The following SKIC8 variants were observed in gnomAD, a reference collection of about 807,000 sequenced individuals.
SKIC8 encodes the protein SKI8 subunit of superkiller complex.
At chr15:78,295,745 A>G in the SKIC8 span, 1 of 1,511,890 alleles carries the variant, frequency 6.6e-7, no homozygotes, top group South Asian at 1.3e-5. Context: ...CAACACCAGG[A>G]TTTCAGTGAG....
chr15:78,295,411 T>TC, the SKIC8 span: 1 of 553,258 alleles, frequency 1.8e-6, no homozygotes, highest in Non-Finnish European at 3.2e-6. Flanking sequence ...CTTTTTTTTT[T>TC]TTTTTTTGTA....
chr15:78,290,231 TA>T, the SKIC8 span: 2 of 924,280 alleles, frequency 2.2e-6, no homozygotes, highest in Non-Finnish European at 3.1e-6. Context: ...AATTATGTTG[TA>T]AAGATGCTAA....
chr15:78,291,796 A>G, the SKIC8 span: 1 of 152,238 alleles, frequency 6.6e-6, no homozygotes, highest in Non-Finnish European at 1.5e-5. Context: ...CAGCTCTTCT[A>G]TCATCAACCC....
At chr15:78,289,293 G>A in the SKIC8 span, among the ~76,000 whole-genome samples, 1 of 152,078 alleles carries the variant, frequency 6.6e-6, no homozygotes, top group East Asian at 1.9e-4. Context: ...TGCACCTGTA[G>A]TCCCAGCTAC....
At chr15:78,284,874 T>G in the SKIC8 span, 1 of 184,618 alleles carries the variant, frequency 5.4e-6, no homozygotes, top group Non-Finnish European at 1.1e-5. Context: ...TGACAAGCGA[T>G]GATTGTGTTT....
the SKIC8 span, among the ~76,000 whole-genome samples, chr15:78,297,158 G>C: frequency 2.6e-5 from 4 of 152,312 alleles, no homozygotes; most frequent in Non-Finnish European, 5.9e-5. Context: ...CACTATGCTT[G>C]GGGGCTATCT....
the SKIC8 span, among the ~76,000 whole-genome samples, chr15:78,296,881 T>A: frequency 3.9e-5 from 6 of 152,172 alleles, no homozygotes; most frequent in Non-Finnish European, 5.9e-5. Flanking sequence ...ACAACAATTA[T>A]GTTCTATGAA....
the SKIC8 span, chr15:78,294,803 G>C: frequency 1.4e-6 from 1 of 740,544 alleles, no homozygotes; most frequent in African/African-American, 1.8e-5. Flanking sequence ...TGTTTTTTAA[G>C]AGTATTTGTT....
At chr15:78,290,035 C>T in the SKIC8 span, 14 of 1,614,046 alleles carry the variant, frequency 8.7e-6, no homozygotes, top group African/African-American at 1.6e-4. Context: ...TGTTCACTTT[C>T]CCGACATGAG....
the SKIC8 span, chr15:78,292,966 ATTT>A: frequency 6.4e-6 from 5 of 786,816 alleles, no homozygotes; most frequent in Non-Finnish European, 7.6e-6. Flanking sequence ...GGACTTTAAG[ATTT>A]TTTTTTTTTA....
the SKIC8 span, chr15:78,294,872 A>C: frequency 6.3e-7 from 1 of 1,587,352 alleles, no homozygotes; most frequent in Non-Finnish European, 8.6e-7. Flanking sequence ...TCTGGTCAGC[A>C]TGACAAAAGT....
the SKIC8 span, chr15:78,293,386 C>A: frequency 1.9e-6 from 2 of 1,061,718 alleles, no homozygotes; most frequent in Non-Finnish European, 2.8e-6. Context: ...TACTATTTTA[C>A]AAAGTGCTTT....
chr15:78,299,446 C>A, the SKIC8 span: 1 of 153,088 alleles, frequency 6.5e-6, no homozygotes, highest in Non-Finnish European at 1.5e-5. Context: ...TGGAGCATCC[C>A]TGAACGGACC....
At chr15:78,295,643 A>C in the SKIC8 span, 1 of 1,609,610 alleles carries the variant, frequency 6.2e-7, no homozygotes, top group Non-Finnish European at 8.5e-7. Context: ...AAAGAGACCA[A>C]TTGATGTTTT....
chr15:78,293,424 G>A, the SKIC8 span: 1 of 679,234 alleles, frequency 1.5e-6, no homozygotes, highest in Non-Finnish European at 2.4e-6. Context: ...GAAATTTTGG[G>A]GCCACATATG....
chr15:78,289,542 T>C, the SKIC8 span: 1 of 1,159,284 alleles, frequency 8.6e-7, no homozygotes, highest in Non-Finnish European at 1.3e-6. Context: ...TGCCATTTAA[T>C]GGCATTTCAA....
At chr15:78,287,007 A>G in the SKIC8 span, 1 of 152,206 alleles carries the variant, frequency 6.6e-6, no homozygotes, top group Non-Finnish European at 1.5e-5. Flanking sequence ...CAAAGAGTAA[A>G]CCCTAATGTA....
the SKIC8 span, chr15:78,292,804 G>C: frequency 6.2e-7 from 1 of 1,611,494 alleles, no homozygotes; most frequent in Non-Finnish European, 8.5e-7. Flanking sequence ...ACAGGGGACA[G>C]AGAAATGGAT....
At chr15:78,295,972 G>A in the SKIC8 span, 1 of 368,408 alleles carries the variant, frequency 2.7e-6, no homozygotes. Flanking sequence ...CCTCAAGTGT[G>A]ACTGCAGAGA....
Sources: allele counts gnomAD v4.1 joint callset (sites outside exome capture counted in the v4.1 genomes callset), GRCh38; gene constraint gnomAD v4.1.1; transcripts MANE v1.5; gene names NCBI Gene and HGNC (gene_info 2026-07-23, HGNC 2026-07-21).